The following WDR35 variants were observed in gnomAD, a reference collection of about 807,000 sequenced individuals.
WDR35 encodes WD repeat-containing protein 35.
WDR35 carries 118 observed loss-of-function variants against 158.3 expected under a neutral mutation model. The ratio of observed to expected loss-of-function variants is 0.75; its 90% CI spans 0.64 to 0.87. The LOEUF (loss-of-function observed/expected upper bound fraction) is 0.87. Among genes scored for constraint, WDR35 ranks in the 40% least tolerant of loss-of-function variants. The pLI, the probability that WDR35 is intolerant of heterozygous loss-of-function variation, is 0.00. For missense variants in WDR35, 1,263 were observed against 1,405.8 expected (o/e 0.90, Z 1.62); for synonymous variants, 448 against 476.1 (o/e 0.94, Z 0.77).
intron 17 of WDR35, among the ~76,000 whole-genome samples, chr2:19,940,895 G>A (rs2103409391): frequency 6.6e-6 from 1 of 152,190 alleles, no homozygotes; most frequent in Non-Finnish European, 1.5e-5. Flanking sequence ...TACATTCCTG[G>A]TGTCCCTATG....
intron 20 of WDR35, among the ~76,000 whole-genome samples, chr2:19,935,893 A>G (rs1670677503): frequency 6.6e-6 from 1 of 152,230 alleles, no homozygotes; most frequent in Non-Finnish European, 1.5e-5. Flanking sequence ...ATTTCTGAAA[A>G]TAATATATAA....
intron 20 of WDR35, among the ~76,000 whole-genome samples, chr2:19,935,950 T>A (rs1052205702): frequency 4.6e-5 from 7 of 152,114 alleles, no homozygotes; most frequent in Non-Finnish European, 1.0e-4. Flanking sequence ...AAATAAAACA[T>A]AAAACACCTT....
At chr2:19,977,980 C>A in intron 5 of WDR35, among the ~76,000 whole-genome samples, 1 of 152,184 alleles carries the variant, frequency 6.6e-6, no homozygotes, top group Non-Finnish European at 1.5e-5. Flanking sequence ...CTTTCCTGAT[C>A]CCTCCAAGTC....
chr2:19,976,654 G>A (rs551757272), intron 5 of WDR35, among the ~76,000 whole-genome samples: 7 of 150,352 alleles, frequency 4.7e-5, no homozygotes, highest in Admixed American at 2.6e-4. Flanking sequence ...CTTCATGGAC[G>A]TCACTGATGG....
intron 18 of WDR35, 22 bp downstream of exon 18, chr2:19,938,243 A>T: frequency 6.2e-7 from 1 of 1,613,958 alleles, no homozygotes; most frequent in Non-Finnish European, 8.5e-7. Flanking sequence ...ACATCCTGGG[A>T]GAGTTTGCTT....
rs978564246 is a variant in WDR35, at chr2:19,910,768, A to C, written c.*2790T>G. The C allele has an allele frequency of 6.6e-6, 1 of 152,162 alleles. No homozygotes were observed. Among genetic ancestry groups the C allele is most frequent in the Non-Finnish European group, 1.5e-5 (1 of 68,038 alleles). The allele number at this position is 152,162 out of a possible 1,614,324, so 9.4% of individuals were successfully genotyped here. A position where few individuals can be genotyped will look rare whatever the true frequency, so the allele number is the denominator to read the frequency against. ...TGGAAATTTCCTTCATGTCGAATAAAACCAACTAGATTGACTCATAATATA... is the reference window on the plus strand; with the variant it reads ...TGGAAATTTCCTTCATGTCGAATAACACCAACTAGATTGACTCATAATATA... On this transcript the variant is annotated 3_prime_UTR_variant, in exon 27 of 27. Coordinates refer to ENST00000281405, the MANE Select transcript of WDR35 (RefSeq NM_020779.4).
At chr2:19,961,143 GGGT>G (rs1671636666) in intron 10 of WDR35, among the ~76,000 whole-genome samples, 1 of 152,128 alleles carries the variant, frequency 6.6e-6, no homozygotes, top group Non-Finnish European at 1.5e-5. Context: ...GGTGCAGCTT[GGGT>G]GGAAGAATGG....
At chr2:19,972,306 A>G (rs1448436384) in intron 8 of WDR35, among the ~76,000 whole-genome samples, 1 of 152,082 alleles carries the variant, frequency 6.6e-6, no homozygotes, top group Non-Finnish European at 1.5e-5. Flanking sequence ...GCTAAACCAA[A>G]CCCCACTTAC....
At chr2:19,989,860 G>A (rs958786067) in intron 1 of WDR35, 132 bp downstream of exon 1, 2 of 1,458,230 alleles carry the variant, frequency 1.4e-6, no homozygotes, top group Non-Finnish European at 9.4e-7. Flanking sequence ...GACCCGGCGG[G>A]AAGGATGGCT....
chr2:19,952,777 C>T (rs992329622), intron 12 of WDR35, among the ~76,000 whole-genome samples: 10 of 142,266 alleles, frequency 7.0e-5, no homozygotes, highest in African/African-American at 2.6e-4. Flanking sequence ...GCATACTCAA[C>T]ATACTTTTTT....
intron 24 of WDR35, 60 bp from the exon 25 acceptor site, chr2:19,930,612 C>T: frequency 6.2e-7 from 1 of 1,607,356 alleles, no homozygotes; most frequent in South Asian, 1.1e-5. Context: ...GTGTCAACTC[C>T]CAAATAACAA....
rs189465858 is a variant in WDR35, at chr2:19,985,108, G to A, written c.143-2574C>T. On this transcript the variant is annotated intron_variant, in intron 2 of 26. Transcript: ENST00000281405. The stretch of plus-strand genomic sequence containing the variant: ...GGCAATGTCACTGCCTGCAGGTACC[G>A]GAGGACTGCGCAGTCAGCTGCAGTT... Among the ~76,000 whole-genome samples the A allele has an allele frequency of 4.1e-3, 620 of 152,274 alleles. 5 individuals are homozygous for A. Among genetic ancestry groups the A allele is most frequent in the Non-Finnish European group, 7.1e-3 (480 of 68,014 alleles).
chr2:19,945,483 A>C (rs1000588080), intron 16 of WDR35, among the ~76,000 whole-genome samples: 1 of 152,142 alleles, frequency 6.6e-6, no homozygotes, highest in Non-Finnish European at 1.5e-5. Flanking sequence ...TTGTTTTCTT[A>C]AGTTTGACAA....
intron 23 of WDR35, 141 bp from the exon 24 acceptor site, chr2:19,931,550 A>G: frequency 1.1e-6 from 1 of 920,730 alleles, no homozygotes; most frequent in Non-Finnish European, 1.6e-6. Flanking sequence ...CCTATTTAAG[A>G]TAAATATTTT....
Position 19,938,374 on chromosome 2 carries a change from G to C in WDR35, c.1954C>G (p.Leu652Val), listed in dbSNP as rs569910704. 1.7e-5 allele frequency: 28 copies of C among 1,613,810 alleles called. No homozygotes were observed. In the South Asian group the frequency reaches 2.5e-4, roughly 15 times the overall value. ...AGAGACCGAATCTCAAAGTTAATTAGGTAATCCTTGTTTGGATGTTCTGGA... is the reference window on the plus strand; with the variant it reads ...AGAGACCGAATCTCAAAGTTAATTACGTAATCCTTGTTTGGATGTTCTGGA... ...KDPEHPNKDY[L>V]INFEIRSLRD... The change falls in exon 18 of 27, where the codon CTA becomes GTA. Residue 652 changes from leucine to valine, a missense_variant. Transcript: ENST00000281405.
In WDR35 at chr2:19,923,088, T is replaced by A. The variant is rs534510075; in HGVS notation, c.3121+7308A>T. Among the ~76,000 whole-genome samples the A allele has an allele frequency of 5.9e-5, 9 of 152,360 alleles. No individual in the cohort carries two copies. The East Asian group carries it at 1.7e-3, about 29-fold the overall frequency. The stretch of plus-strand genomic sequence containing the variant: ...CAAATATCTATAGAAACAAGGCTAA[T>A]GACTGGCTTGCTGTTAATAAATACG... On this transcript the variant is annotated intron_variant, in intron 25 of 26. Transcript: ENST00000281405.
At chr2:19,948,904 ACT>A (rs1407844406) in intron 13 of WDR35, among the ~76,000 whole-genome samples, 2 of 151,414 alleles carry the variant, frequency 1.3e-5, no homozygotes, top group African/African-American at 4.9e-5. Context: ...ACAGTGCAAG[ACT>A]CTGTCTCAAA....
chr2:19,936,652 A>C (rs1670706276), intron 19 of WDR35, among the ~76,000 whole-genome samples: 1 of 152,124 alleles, frequency 6.6e-6, no homozygotes, highest in South Asian at 2.1e-4. Flanking sequence ...TGCCCTTATG[A>C]ATTGATTAAT....
At chr2:19,971,876 C>T (rs1672046395) in intron 8 of WDR35, among the ~76,000 whole-genome samples, 1 of 152,194 alleles carries the variant, frequency 6.6e-6, no homozygotes, top group Admixed American at 6.5e-5. Flanking sequence ...GTAGGCATTT[C>T]CTCATTGTAA....
Sources: gnomAD v4.1 joint callset for allele counts (sites outside exome capture counted in the v4.1 genomes callset) on GRCh38, gnomAD v4.1.1 for gene constraint, MANE v1.5 for transcripts, NCBI Gene and HGNC (gene_info 2026-07-23, HGNC 2026-07-21) for gene names.